JAKMIP1: variants seen among roughly 807,000 people sequenced by gnomAD.
JAKMIP1 encodes the protein janus kinase and microtubule interacting protein 1.
In JAKMIP1, 33 loss-of-function variants were observed where a neutral mutation model predicts 113.0. The observed-to-expected ratio is 0.29, with a 90% confidence interval of 0.22 to 0.39. The LOEUF is 0.39. Among genes scored for constraint, JAKMIP1 ranks in the 10% least tolerant of loss-of-function variants. JAKMIP1 has a pLI of 1.00. For synonymous variants in JAKMIP1, 480 were observed against 459.9 expected (o/e 1.04, Z -0.56); for missense variants, 813 against 1,080.5 (o/e 0.75, Z 3.47).
intron 19 of JAKMIP1, 92 bp from the exon 20 acceptor site, chr4:6,029,873 TGTAAAG>T (rs1712369877): frequency 1.1e-6 from 1 of 888,888 alleles, no homozygotes; most frequent in Non-Finnish European, 1.8e-6. Context: ...GCACAGAAGC[TGTAAAG>T]GATACCAACA....
At chr4:6,124,265 G>A (rs1717111078) in intron 1 of JAKMIP1, among the ~76,000 whole-genome samples, 1 of 152,220 alleles carries the variant, frequency 6.6e-6, no homozygotes. Context: ...CAAGCCCTGT[G>A]TCCCATCACT....
Position 6,062,339 on chromosome 4 carries a change from G to T in JAKMIP1, c.1533C>A (p.Gly511=). The change falls in exon 10 of 21, where the codon GGC becomes GGA. Residue 511 remains glycine (G), a synonymous_variant. Coordinates refer to ENST00000409021, the MANE Select transcript of JAKMIP1 (RefSeq NM_001099433.2). ...AYALLQEQVG[G]TLDAEREART... ...GGGCCTCCCTCTCAGCGTCCAGCGT[G>T]CCTCCCACCTGCTCCTGGAGCAGGG... 1 of 1,613,320 alleles carries T rather than the reference G, an allele frequency of 6.2e-7. No individual in the cohort carries two copies.
At chr4:6,196,769 G>C (rs752342379) in intron 1 of JAKMIP1, among the ~76,000 whole-genome samples, 7 of 151,906 alleles carry the variant, frequency 4.6e-5, no homozygotes, top group Non-Finnish European at 1.0e-4. Context: ...GCTGAGGCAG[G>C]AGAATCACTT....
intron 13 of JAKMIP1, among the ~76,000 whole-genome samples, chr4:6,052,137 C>T (rs1423674729): frequency 6.6e-6 from 1 of 151,832 alleles, no homozygotes; most frequent in African/African-American, 2.4e-5. Flanking sequence ...TTCCATGAAG[C>T]CCTAACCTGA....
Position 6,036,073 on chromosome 4 carries a change from G to A in JAKMIP1, c.2210C>T (p.Ala737Val), listed in dbSNP as rs752258160. 1.9e-5 allele frequency: 29 copies of A among 1,558,404 alleles called. No individual in the cohort carries two copies. The highest frequency in any genetic ancestry group is 3.9e-5 in the Admixed American group (2 of 51,692). ...CCTCCGCCCCGGCTCCTGCTGCAGC[G>A]CTGTGTACAGTGTGGCCTCCAGGTC... ...IQDLEATLYT[A>V]LQQEPGRRAG... Residue 737 changes from alanine (A) to valine (V), a missense_variant, in exon 19 of 21, where the codon GCG (alanine) becomes GTG (valine). By Grantham distance (64) the Ala-to-Val change is moderately conservative. This residue lies in a region of JAKMIP1 where 273 missense variants were observed against 426.6 expected (regional missense o/e 0.64). Transcript: ENST00000409021.
intron 3 of JAKMIP1, among the ~76,000 whole-genome samples, chr4:6,102,013 A>T (rs1181098955): frequency 6.6e-6 from 1 of 152,172 alleles, no homozygotes; most frequent in Non-Finnish European, 1.5e-5. Flanking sequence ...TAATCGATGA[A>T]AACGATATCC....
At position 6,129,122 on chromosome 4, in the gene JAKMIP1, AC is replaced by A. The variant is rs571117161; in HGVS notation, c.-147-16126del. 5.9e-5 allele frequency among the ~76,000 whole-genome samples: 9 copies of A among 152,218 alleles called. No homozygotes were observed. The South Asian group carries it at 1.7e-3, about 28-fold the overall frequency. Reference sequence around the variant, plus strand: ...CTGCTGGATGATGAAGACATCACACACCCCACTTTCACTCCGCACTGTGGGG... The same window carrying A: ...CTGCTGGATGATGAAGACATCACACACCCACTTTCACTCCGCACTGTGGGG... On this transcript the variant is annotated intron_variant, in intron 1 of 20. Transcript: ENST00000409021. This position sits in a 1 kb window ranked among gnomAD's most constrained non-coding sequence, Gnocchi z 5.4.
At chr4:6,124,278 T>C (rs755653004) in intron 1 of JAKMIP1, among the ~76,000 whole-genome samples, 19 of 152,216 alleles carry the variant, frequency 1.2e-4, no homozygotes, top group Non-Finnish European at 1.0e-4. Context: ...CCATCACTGA[T>C]GCCAAGAGGT....
intron 18 of JAKMIP1, among the ~76,000 whole-genome samples, chr4:6,037,180 C>A (rs1313845316): frequency 2.7e-5 from 4 of 149,200 alleles, no homozygotes; most frequent in African/African-American, 5.0e-5. Context: ...AGAGGCTAAC[C>A]AGTAGCCCTC....
chr4:6,068,359 C>T (rs979389250), intron 8 of JAKMIP1, among the ~76,000 whole-genome samples: 3 of 152,104 alleles, frequency 2.0e-5, no homozygotes, highest in Non-Finnish European at 4.4e-5. Flanking sequence ...CTCCACAGAA[C>T]TATGCTGCTT....
intron 3 of JAKMIP1, among the ~76,000 whole-genome samples, chr4:6,092,649 G>A (rs1267724078): frequency 9.2e-5 from 14 of 152,248 alleles, no homozygotes; most frequent in Admixed American, 9.2e-4. Flanking sequence ...CTGCAGGGAA[G>A]CATGGCCCCT....
chr4:6,134,026 C>T (rs988498869), intron 1 of JAKMIP1, among the ~76,000 whole-genome samples: 1 of 152,198 alleles, frequency 6.6e-6, no homozygotes, highest in Admixed American at 6.5e-5. Context: ...CCACCCAAAT[C>T]TCATCTTAAA....
Position 6,035,981 on chromosome 4 carries a change from G to C in JAKMIP1, c.2302C>G (p.Gln768Glu). Residue 768 changes from glutamine (Q) to glutamate (E), a missense_variant, in exon 19 of 21, where the codon CAG becomes GAG. By Grantham distance (29) the Gln-to-Glu change is conservative. Transcript: ENST00000409021. ...LQAAVEKVRR[Q>E]ILRQSREFDS... Reference sequence around the variant, plus strand: ...AACTCGCGGCTCTGCCTGAGGATCTGCCTGCGCACCTTTTCCACAGCAGCC... The same window carrying C: ...AACTCGCGGCTCTGCCTGAGGATCTCCCTGCGCACCTTTTCCACAGCAGCC... 6.4e-7 allele frequency: 1 copy of C among 1,551,594 alleles called. No individual in the cohort carries two copies. Among genetic ancestry groups the C allele is most frequent in the Non-Finnish European group, 8.7e-7 (1 of 1,147,016 alleles).
chr4:6,090,280 C>G (rs190895409), intron 3 of JAKMIP1, among the ~76,000 whole-genome samples: 1 of 152,072 alleles, frequency 6.6e-6, no homozygotes, highest in East Asian at 1.9e-4. Flanking sequence ...GAGAAGGCCA[C>G]GTGCAGGCAG....
intron 1 of JAKMIP1, among the ~76,000 whole-genome samples, chr4:6,121,256 C>T (rs1397316175): frequency 6.6e-6 from 1 of 151,754 alleles, no homozygotes; most frequent in Non-Finnish European, 1.5e-5. Flanking sequence ...ATCATTCTCA[C>T]TGGCATGTGC....
At chr4:6,122,347 A>C (rs1716835342) in intron 1 of JAKMIP1, among the ~76,000 whole-genome samples, 1 of 152,210 alleles carries the variant, frequency 6.6e-6, no homozygotes, top group Non-Finnish European at 1.5e-5. Flanking sequence ...ATAATAAAAT[A>C]GCGTAGACAA....
chr4:6,050,297 A>G lies in JAKMIP1; in HGVS notation c.1908+281T>C, dbSNP rs1206317516. Reference sequence around the variant, plus strand: ...GTGTGGGTATTGTCATTTGGATTTCATAGCGAAGAGGCTAAGGCTCTGAAA... The same window carrying G: ...GTGTGGGTATTGTCATTTGGATTTCGTAGCGAAGAGGCTAAGGCTCTGAAA... On this transcript the variant is annotated intron_variant, in intron 14 of 20. Transcript: ENST00000409021. This position sits in a 1 kb window ranked among gnomAD's most constrained non-coding sequence, Gnocchi z 7.4. Among the ~76,000 whole-genome samples, 1 of 152,200 alleles carries G rather than the reference A, an allele frequency of 6.6e-6. No homozygotes were observed. Among genetic ancestry groups the G allele is most frequent in the Non-Finnish European group, 1.5e-5 (1 of 68,036 alleles).
chr4:6,124,863 C>T (rs1717188617), intron 1 of JAKMIP1, among the ~76,000 whole-genome samples: 1 of 152,262 alleles, frequency 6.6e-6, no homozygotes, highest in Non-Finnish European at 1.5e-5. Flanking sequence ...TCGGGTGTCC[C>T]TGAGGCCCAA....
In JAKMIP1 at chr4:6,188,001, G is replaced by C. The variant is rs1410235274; in HGVS notation, c.-148+12252C>G. On this transcript the variant is annotated intron_variant, in intron 1 of 20. Coordinates refer to ENST00000409021, the MANE Select transcript of JAKMIP1 (RefSeq NM_001099433.2). This position sits in a 1 kb window ranked among gnomAD's most constrained non-coding sequence, Gnocchi z 5.8. Reference sequence around the variant, plus strand: ...AAGTCAGGAGCAAGGACTTCAAAGAGGTATTTCTTTTAAATGTAGATAGCA... The same window carrying C: ...AAGTCAGGAGCAAGGACTTCAAAGACGTATTTCTTTTAAATGTAGATAGCA... Among the ~76,000 whole-genome samples the C allele has an allele frequency of 6.6e-6, 1 of 152,128 alleles. No homozygotes were observed. The highest frequency in any genetic ancestry group is 6.5e-5 in the Admixed American group (1 of 15,276).
Sources: allele counts gnomAD v4.1 joint callset (sites outside exome capture counted in the v4.1 genomes callset), GRCh38; gene constraint gnomAD v4.1.1; regional missense constraint gnomAD v4.1.1; non-coding constraint Gnocchi (gnomAD v3.1); transcripts MANE v1.5; gene names NCBI Gene and HGNC (gene_info 2026-07-23, HGNC 2026-07-21).